The following SMAP1 variants were observed in gnomAD, a reference collection of about 807,000 sequenced individuals.
SMAP1 encodes small ArfGAP 1.
In SMAP1, 24 loss-of-function variants were observed where a neutral mutation model predicts 58.5. The ratio of observed to expected loss-of-function variants is 0.41; its 90% CI spans 0.30 to 0.58. SMAP1 has a LOEUF of 0.58. Among genes scored for constraint, SMAP1 ranks in the 20% least tolerant of loss-of-function variants. The pLI, the probability that SMAP1 is intolerant of heterozygous loss-of-function variation, is 0.29. For missense variants in SMAP1, 563 were observed against 566.3 expected, an observed-to-expected ratio of 0.99 and a Z score of 0.06; for synonymous variants, 216 against 196.6, an observed-to-expected ratio of 1.10 and a Z score of -0.82.
chr6:70,862,000 A>AAAAG (rs769501254), exon 11 of SMAP1: 41 of 1,566,748 alleles, frequency 2.6e-5, no homozygotes, highest in Non-Finnish European at 3.4e-5. Context: ...ATAAAAAAAA[A>AAAAG]AAAGAGACTT....
At position 70,803,460 on chromosome 6, in the gene SMAP1, A is replaced by AT. The variant is rs1003169824; in HGVS notation, c.576+4730dup. Among the ~76,000 whole-genome samples the AT allele has an allele frequency of 9.2e-5, 14 of 151,748 alleles. 1 individual carries two copies. The highest frequency in any genetic ancestry group is 7.2e-4 in the Admixed American group (11 of 15,236). Reference sequence around the variant, plus strand: ...CAAAAAACCACTCCTGGATTCATTGATTTTTTTGAAGGTTTTTTTGTGTCT... The same window carrying AT: ...CAAAAAACCACTCCTGGATTCATTGATTTTTTTTGAAGGTTTTTTTGTGTCT... On this transcript the variant is annotated intron_variant, in intron 6 of 10. Coordinates refer to ENST00000370455, the MANE Select transcript of SMAP1 (RefSeq NM_001044305.3).
At chr6:70,690,131 A>G (rs185904461) in intron 1 of SMAP1, among the ~76,000 whole-genome samples, 9 of 152,250 alleles carry the variant, frequency 5.9e-5, no homozygotes, top group Admixed American at 5.2e-4. Context: ...TCCTGATACT[A>G]AGGGAGAAAG....
intron 6 of SMAP1, among the ~76,000 whole-genome samples, chr6:70,826,210 A>G (rs894018641): frequency 3.9e-5 from 6 of 152,192 alleles, no homozygotes; most frequent in African/African-American, 1.4e-4. Context: ...TTTGGGATGA[A>G]TAATAAGAAA....
At chr6:70,849,420 G>A (rs1771103988) in intron 7 of SMAP1, among the ~76,000 whole-genome samples, 1 of 124,748 alleles carries the variant, frequency 8.0e-6, no homozygotes, top group Admixed American at 8.6e-5. Flanking sequence ...TTTTAATATA[G>A]TAATAATAAT....
chr6:70,675,198 GTTT>G (rs67744035), intron 1 of SMAP1, among the ~76,000 whole-genome samples: 11,462 of 108,532 alleles, frequency 0.11, 613 homozygotes, highest in East Asian at 0.37. Context: ...ATTATATAGT[GTTT>G]TTTTTTTTTT....
chr6:70,789,339 T>G (rs1768234986), intron 4 of SMAP1, among the ~76,000 whole-genome samples: 1 of 152,084 alleles, frequency 6.6e-6, no homozygotes, highest in Non-Finnish European at 1.5e-5. Flanking sequence ...CCCTCGCTAG[T>G]CAGCCCCCAA....
intron 6 of SMAP1, among the ~76,000 whole-genome samples, chr6:70,817,940 A>G (rs1562182592): frequency 6.6e-6 from 1 of 152,180 alleles, no homozygotes. Context: ...CATTAGATGA[A>G]AAAGTGTATC....
intron 2 of SMAP1, among the ~76,000 whole-genome samples, chr6:70,744,721 A>G (rs2149877096): frequency 6.6e-6 from 1 of 152,306 alleles, no homozygotes; most frequent in African/African-American, 2.4e-5. Flanking sequence ...TGGCATTTCT[A>G]GTTCTAGATC....
intron 6 of SMAP1, among the ~76,000 whole-genome samples, chr6:70,806,976 T>C (rs1769161412): frequency 6.6e-6 from 1 of 152,236 alleles, no homozygotes; most frequent in Non-Finnish European, 1.5e-5. Flanking sequence ...CTATTTGTCA[T>C]ATATGTCTTC....
At position 70,843,543 on chromosome 6, in the gene SMAP1, C is replaced by G. The variant is rs576528433; in HGVS notation, c.664+6515C>G. Among the ~76,000 whole-genome samples the G allele has an allele frequency of 2.0e-5, 3 of 152,290 alleles. No homozygotes were observed. The South Asian group carries it at 6.2e-4, about 32-fold the overall frequency. On this transcript the variant is annotated intron_variant, in intron 7 of 10. Transcript: ENST00000370455. ...GTCACACAGCTGGTAGATTACAAAA[C>G]TGGGATTTAGACTGAGTAGTCTGAC... is the stretch of plus-strand genomic sequence containing the variant.
rs746065685 is a variant in SMAP1, at chr6:70,857,902, A to ATTTTC, written c.962-15_962-11dup. The ATTTTC allele has an allele frequency of 9.3e-6, 15 of 1,610,366 alleles. No individual in the cohort carries two copies. In the Admixed American group the frequency reaches 1.0e-4, roughly 11 times the overall value. On this transcript the variant is annotated intron_variant, in intron 9 of 10. Transcript: ENST00000370455. ...ACACGTGATAGCTCTGTCTTCATTC[A>ATTTTC]TTTTCTTTTTGTGGTGCAGGTGTAT...
At chr6:70,843,322 A>G (rs1459299886) in intron 7 of SMAP1, among the ~76,000 whole-genome samples, 8 of 152,238 alleles carry the variant, frequency 5.3e-5, no homozygotes. Flanking sequence ...AAAGCAAGGC[A>G]TCTAACCCAA....
At chr6:70,842,616 T>C (rs1200723592) in intron 7 of SMAP1, among the ~76,000 whole-genome samples, 6 of 152,190 alleles carry the variant, frequency 3.9e-5, no homozygotes, top group Non-Finnish European at 7.3e-5. Flanking sequence ...ATGAGGCGAC[T>C]TCAAACTACG....
chr6:70,784,158 A>C (rs1489038617), intron 4 of SMAP1, among the ~76,000 whole-genome samples: 1 of 152,182 alleles, frequency 6.6e-6, no homozygotes, highest in Admixed American at 6.5e-5. Flanking sequence ...CAGCATTCTT[A>C]AAGAAAAGAA....
chr6:70,805,993 A>G (rs1294238279), intron 6 of SMAP1, among the ~76,000 whole-genome samples: 1 of 152,222 alleles, frequency 6.6e-6, no homozygotes, highest in African/African-American at 2.4e-5. Flanking sequence ...AAGTGTGTCC[A>G]TTCTCAGAGC....
chr6:70,828,747 T>G (rs1770241200), intron 6 of SMAP1, among the ~76,000 whole-genome samples: 1 of 152,222 alleles, frequency 6.6e-6, no homozygotes, highest in Non-Finnish European at 1.5e-5. Context: ...ACAAGCACCA[T>G]CTAGCACCTT....
chr6:70,816,009 G>A (rs1769613569), intron 6 of SMAP1, among the ~76,000 whole-genome samples: 1 of 152,104 alleles, frequency 6.6e-6, no homozygotes, highest in Non-Finnish European at 1.5e-5. Flanking sequence ...GGGATGATAT[G>A]ATAAATAACT....
At position 70,808,902 on chromosome 6, in the gene SMAP1, C is replaced by CTGTGTGTGTGTGTG. The variant is rs35577736; in HGVS notation, c.576+10191_576+10204dup. Among the ~76,000 whole-genome samples the CTGTGTGTGTGTGTG allele has an allele frequency of 7.6e-5, 11 of 144,764 alleles. No individual in the cohort carries two copies. In the East Asian group the frequency reaches 1.2e-3, roughly 16 times the overall value. The allele number at this position is 144,764 out of a possible 152,430, so 95.0% of individuals were successfully genotyped here. ...TTTATTTCTAGTGCAGGCTGTTTCCCTGTGTGTGTGTGTGTGTGTGTGTGT... is the reference window on the plus strand; with the variant it reads ...TTTATTTCTAGTGCAGGCTGTTTCCCTGTGTGTGTGTGTGTGTGTGTGTGTGTGTGTGTGTGTGT... On this transcript the variant is annotated intron_variant, in intron 6 of 10. Coordinates refer to ENST00000370455, the MANE Select transcript of SMAP1 (RefSeq NM_001044305.3).
chr6:70,817,150 C>A (rs1769671980), intron 6 of SMAP1, among the ~76,000 whole-genome samples: 1 of 146,144 alleles, frequency 6.8e-6, no homozygotes, highest in African/African-American at 2.5e-5. Flanking sequence ...TTTTTTTTTG[C>A]CATATTCTCT....
Sources: gnomAD v4.1 joint callset for allele counts (sites outside exome capture counted in the v4.1 genomes callset) on GRCh38, gnomAD v4.1.1 for gene constraint, MANE v1.5 for transcripts, NCBI Gene and HGNC (gene_info 2026-07-23, HGNC 2026-07-21) for gene names.